Variants in ATRNL1 observed in about 807,000 individuals in gnomAD.
The protein encoded by ATRNL1 is attractin like 1.
In ATRNL1, 95 loss-of-function variants were observed where a neutral mutation model predicts 182.7. The observed-to-expected ratio is 0.52, with a 90% CI of 0.44 to 0.62. ATRNL1 has a LOEUF of 0.62. Among genes scored for constraint, ATRNL1 ranks in the 20% least tolerant of loss-of-function variants. ATRNL1 has a pLI of 0.00. For synonymous variants in ATRNL1, 576 were observed against 568.3 expected (o/e 1.01, Z -0.19); for missense variants, 1,471 against 1,679.5 (o/e 0.88, Z 2.17).
chr10:115,394,823 C>T, intron 20 of ATRNL1, 71 bp downstream of exon 20: 2 of 1,211,840 alleles, frequency 1.7e-6, no homozygotes, highest in East Asian at 2.5e-5. Flanking sequence ...TTATGTTTTA[C>T]TTTTTAATTT....
intron 28 of ATRNL1, among the ~76,000 whole-genome samples, chr10:115,900,008 AG>A (rs1952311262): frequency 6.6e-6 from 1 of 152,244 alleles, no homozygotes; most frequent in African/African-American, 2.4e-5. Flanking sequence ...TCAGGATTTC[AG>A]GAATTATTAT....
chr10:115,848,115 A>G, intron 28 of ATRNL1, 124 bp downstream of exon 28: 1 of 618,944 alleles, frequency 1.6e-6, no homozygotes, highest in Admixed American at 2.8e-5. Flanking sequence ...GCATGGTAAA[A>G]TTTTATGAGA....
At chr10:115,120,690 T>A (rs1844689611) in intron 2 of ATRNL1, among the ~76,000 whole-genome samples, 1 of 152,144 alleles carries the variant, frequency 6.6e-6, no homozygotes, top group Admixed American at 6.5e-5. Context: ...GTATTTTCAG[T>A]AAGTAGGGCT....
At chr10:115,161,071 C>T (rs1369551166) in intron 6 of ATRNL1, among the ~76,000 whole-genome samples, 1 of 151,712 alleles carries the variant, frequency 6.6e-6, no homozygotes, top group Non-Finnish European at 1.5e-5. Flanking sequence ...ACAAATTTTG[C>T]ATGGGTCATT....
chr10:115,539,918 C>G (rs1366287037), intron 25 of ATRNL1, among the ~76,000 whole-genome samples: 1 of 141,818 alleles, frequency 7.1e-6, no homozygotes, highest in Non-Finnish European at 1.5e-5. Context: ...AAAGTAGAGC[C>G]CACAAATCCA....
At chr10:115,847,037 C>T (rs1174724876) in intron 27 of ATRNL1, among the ~76,000 whole-genome samples, 1 of 151,864 alleles carries the variant, frequency 6.6e-6, no homozygotes, top group African/African-American at 2.4e-5. Context: ...TATTTATTTA[C>T]TCTATGTTAT....
intron 26 of ATRNL1, among the ~76,000 whole-genome samples, chr10:115,705,201 A>G (rs7086132): frequency 0.38 from 57,432 of 151,806 alleles, 11,799 homozygotes; most frequent in East Asian, 0.66. Flanking sequence ...GACCTTGGCC[A>G]TCAGATTGCC....
chr10:115,938,433 GAAAT>G (rs1225709771), intron 28 of ATRNL1, among the ~76,000 whole-genome samples: 2 of 152,178 alleles, frequency 1.3e-5, no homozygotes, highest in African/African-American at 4.8e-5. Context: ...TGTTTCAAGA[GAAAT>G]AAAATTCTTA....
intron 26 of ATRNL1, among the ~76,000 whole-genome samples, chr10:115,711,694 TG>T: frequency 1.3e-5 from 2 of 152,288 alleles, no homozygotes; most frequent in Middle Eastern, 6.8e-3. Context: ...GATTCTGAAA[TG>T]GGTTGGAACA....
intron 19 of ATRNL1, among the ~76,000 whole-genome samples, chr10:115,392,972 G>T (rs1326095295): frequency 6.6e-6 from 1 of 152,064 alleles, no homozygotes; most frequent in Admixed American, 6.6e-5. Flanking sequence ...AGCCATAGCT[G>T]GTCACACCTA....
chr10:115,719,423 T>G (rs1442577713), intron 26 of ATRNL1, among the ~76,000 whole-genome samples: 1 of 152,218 alleles, frequency 6.6e-6, no homozygotes, highest in African/African-American at 2.4e-5. Context: ...TTATGAAGAC[T>G]TAAGTGATTT....
intron 21 of ATRNL1, among the ~76,000 whole-genome samples, chr10:115,446,523 A>C (rs1847000431): frequency 6.6e-6 from 1 of 151,900 alleles, no homozygotes; most frequent in South Asian, 2.1e-4. Context: ...TAGCTAAAAA[A>C]ACTCTGTATT....
At chr10:115,118,046 G>A (rs1844568264) in intron 1 of ATRNL1, among the ~76,000 whole-genome samples, 1 of 152,024 alleles carries the variant, frequency 6.6e-6, no homozygotes, top group African/African-American at 2.4e-5. Context: ...TTTAAAATTG[G>A]ATTGTTGGCT....
Position 115,506,221 on chromosome 10 carries a change from T to A in ATRNL1, c.3655-13042T>A, listed in dbSNP as rs149655969. ...AATTTAGCCACTTCAGAGGCCTTGT[T>A]CCCCATAATTTGGAATTTTCCTTCA... is the stretch of plus-strand genomic sequence containing the variant. On this transcript the variant is annotated intron_variant, in intron 24 of 28. Coordinates refer to ENST00000355044, the MANE Select transcript of ATRNL1 (RefSeq NM_207303.4). Among the ~76,000 whole-genome samples, 858 of 152,174 alleles carry A rather than the reference T, an allele frequency of 5.6e-3. 8 individuals are homozygous for A. Among genetic ancestry groups the A allele is most frequent in the African/African-American group, 0.019 (786 of 41,530 alleles).
At chr10:115,589,190 A>C (rs1230610739) in intron 26 of ATRNL1, among the ~76,000 whole-genome samples, 1 of 152,194 alleles carries the variant, frequency 6.6e-6, no homozygotes, top group African/African-American at 2.4e-5. Context: ...GATATTTTTG[A>C]ATATTATTAA....
At chr10:115,944,412 G>T (rs1555124965) in intron 28 of ATRNL1, among the ~76,000 whole-genome samples, 1 of 151,974 alleles carries the variant, frequency 6.6e-6, no homozygotes, top group East Asian at 1.9e-4. Context: ...GTCAAACACT[G>T]ATTTGATTGT....
chr10:115,225,969 G>A (rs1402681649), intron 9 of ATRNL1, among the ~76,000 whole-genome samples: 2 of 151,376 alleles, frequency 1.3e-5, no homozygotes, highest in Non-Finnish European at 3.0e-5. Flanking sequence ...GAACAAAGCT[G>A]GAGGACTTTT....
chr10:115,333,949 G>A (rs1401512678), intron 18 of ATRNL1, among the ~76,000 whole-genome samples: 3 of 152,040 alleles, frequency 2.0e-5, no homozygotes, highest in Non-Finnish European at 4.4e-5. Flanking sequence ...TTAGCCTTGT[G>A]TTTATATAAC....
At chr10:115,306,867 A>T (rs1554926346) in intron 17 of ATRNL1, among the ~76,000 whole-genome samples, 1 of 152,168 alleles carries the variant, frequency 6.6e-6, no homozygotes, top group African/African-American at 2.4e-5. Flanking sequence ...AATTGTTGTA[A>T]CTGATTTTTT....
Sources: gnomAD v4.1 joint callset for allele counts (sites outside exome capture counted in the v4.1 genomes callset) on GRCh38, gnomAD v4.1.1 for gene constraint, MANE v1.5 for transcripts, NCBI Gene and HGNC (gene_info 2026-07-23, HGNC 2026-07-21) for gene names.